Variants in FSIP1 observed in about 807,000 individuals in gnomAD.
FSIP1 encodes the protein fibrous sheath interacting protein 1.
FSIP1 carries 65 observed loss-of-function variants against 60.9 expected under a neutral mutation model. That is an observed-to-expected ratio of 1.07 (90% confidence interval 0.87 to 1.31). The LOEUF is 1.31. Among genes scored for constraint, FSIP1 ranks in the 40% most tolerant of loss-of-function variants. The pLI, the probability that FSIP1 is intolerant of heterozygous loss-of-function variation, is 0.00. For missense variants in FSIP1, 675 were observed against 665.5 expected, an observed-to-expected ratio of 1.01 and a Z score of -0.16; for synonymous variants, 209 against 221.2, an observed-to-expected ratio of 0.94 and a Z score of 0.49.
At chr15:39,723,203 C>G (rs1048400145) in intron 9 of FSIP1, among the ~76,000 whole-genome samples, 2 of 152,294 alleles carry the variant, frequency 1.3e-5, no homozygotes, top group East Asian at 1.9e-4. Flanking sequence ...GTCCACAGAA[C>G]TAGTAAATGC....
chr15:39,758,513 G>C (rs1424734608), intron 5 of FSIP1, among the ~76,000 whole-genome samples: 8 of 151,928 alleles, frequency 5.3e-5, no homozygotes, highest in South Asian at 2.1e-4. Flanking sequence ...TTTTTTTGAG[G>C]GGGGGGAATA....
downstream of FSIP1, chr15:39,597,662 A>G (rs942389982): frequency 2.0e-5 from 3 of 152,222 alleles, no homozygotes; most frequent in Admixed American, 1.3e-4. Context: ...TTTGTGGAAT[A>G]AAAGAACAAA....
chr15:39,686,351 AG>A (rs1894373836), intron 10 of FSIP1, among the ~76,000 whole-genome samples: 1 of 152,278 alleles, frequency 6.6e-6, no homozygotes, highest in African/African-American at 2.4e-5. Flanking sequence ...TTAAAAAATG[AG>A]AAAATACATT....
chr15:39,601,105 G>C (rs1890623101), intron 11 of FSIP1, among the ~76,000 whole-genome samples, 179 bp from the exon 12 acceptor site: 1 of 149,394 alleles, frequency 6.7e-6, no homozygotes, highest in African/African-American at 2.6e-5. Flanking sequence ...GAGAAAAATA[G>C]AAAGATCAGG....
intron 10 of FSIP1, among the ~76,000 whole-genome samples, chr15:39,670,993 C>T (rs1294357720): frequency 6.6e-6 from 1 of 152,160 alleles, no homozygotes; most frequent in African/African-American, 2.4e-5. Context: ...GACAAACTGA[C>T]AGAAAAATGC....
chr15:39,780,980 T>C (rs1898244742), intron 1 of FSIP1, among the ~76,000 whole-genome samples: 1 of 152,098 alleles, frequency 6.6e-6, no homozygotes, highest in Admixed American at 6.5e-5. Flanking sequence ...TAAAAGAAAA[T>C]ATGGATAAAT....
At chr15:39,752,788 T>C (rs1214061753) in intron 5 of FSIP1, among the ~76,000 whole-genome samples, 2 of 151,968 alleles carry the variant, frequency 1.3e-5, no homozygotes, top group African/African-American at 4.8e-5. Context: ...CCTGAATATA[T>C]CAATATTGGT....
At chr15:39,778,950 T>A (rs1014636405) in intron 1 of FSIP1, among the ~76,000 whole-genome samples, 1 of 152,080 alleles carries the variant, frequency 6.6e-6, no homozygotes, top group Non-Finnish European at 1.5e-5. Context: ...ATTAATGACT[T>A]AGTAAGCGTG....
intron 10 of FSIP1, among the ~76,000 whole-genome samples, chr15:39,627,193 C>A (rs548589706): frequency 1.3e-5 from 2 of 152,324 alleles, no homozygotes; most frequent in South Asian, 4.1e-4. Context: ...ATCATCCAGA[C>A]CTGTGCACTT....
intron 9 of FSIP1, among the ~76,000 whole-genome samples, chr15:39,720,849 A>G (rs1335442150): frequency 6.6e-6 from 1 of 152,236 alleles, no homozygotes; most frequent in Non-Finnish European, 1.5e-5. Flanking sequence ...ATCTTAAGAA[A>G]AAATTGCTTC....
intron 5 of FSIP1, among the ~76,000 whole-genome samples, chr15:39,745,122 A>G (rs1221489937): frequency 1.6e-5 from 2 of 122,028 alleles, no homozygotes; most frequent in East Asian, 5.6e-4. Context: ...TCCCCAGGCC[A>G]TGATGCTACA....
intron 10 of FSIP1, among the ~76,000 whole-genome samples, chr15:39,641,588 G>A (rs1051999573): frequency 5.3e-5 from 8 of 152,116 alleles, no homozygotes; most frequent in Non-Finnish European, 7.4e-5. Context: ...ATGTAAAACC[G>A]ACTTGATGTT....
intron 10 of FSIP1, among the ~76,000 whole-genome samples, chr15:39,711,773 C>T (rs970991320): frequency 2.0e-5 from 3 of 146,342 alleles, no homozygotes. Context: ...CAATCTCTGC[C>T]TCCTGGGTTC....
chr15:39,659,660 A>T lies in FSIP1; in HGVS notation c.1189-41415T>A, dbSNP rs567290159. On this transcript the variant is annotated intron_variant, in intron 10 of 11. Transcript: ENST00000350221. Reference sequence around the variant, plus strand: ...AAAAAAAAAAGCAATGGCTTTTCAAATCCTTCCTGAACTTCCTTGGCCTCT... The same window carrying T: ...AAAAAAAAAAGCAATGGCTTTTCAATTCCTTCCTGAACTTCCTTGGCCTCT... Among the ~76,000 whole-genome samples, 41 of 148,442 alleles carry T rather than the reference A, an allele frequency of 2.8e-4. 1 individual carries two copies. The East Asian group carries it at 8.0e-3, about 29-fold the overall frequency.
intron 6 of FSIP1, among the ~76,000 whole-genome samples, chr15:39,740,601 CAAAGGAAAAAAACA>C (rs1896770447): frequency 1.3e-5 from 2 of 151,660 alleles, no homozygotes; most frequent in African/African-American, 4.8e-5. Context: ...ATCAAGTCCA[CAAAGGAAAAAAACA>C]CCAGTCACAA....
chr15:39,751,207 T>C (rs1897150937), intron 5 of FSIP1, among the ~76,000 whole-genome samples: 1 of 151,892 alleles, frequency 6.6e-6, no homozygotes, highest in Non-Finnish European at 1.5e-5. Flanking sequence ...GAAACCAATA[T>C]GAAGGTTTCT....
At chr15:39,615,245 C>A (rs1303344984) in intron 11 of FSIP1, among the ~76,000 whole-genome samples, 1 of 150,362 alleles carries the variant, frequency 6.7e-6, no homozygotes, top group Admixed American at 6.6e-5. Context: ...AAGGCACAGG[C>A]AAAAATAGAC....
At chr15:39,602,927 C>T (rs919144766) in intron 11 of FSIP1, among the ~76,000 whole-genome samples, 1 of 152,248 alleles carries the variant, frequency 6.6e-6, no homozygotes, top group Admixed American at 6.5e-5. Context: ...AAAAATTTTT[C>T]ATCAATATAC....
chr15:39,613,914 T>C (rs1251481566), intron 11 of FSIP1, among the ~76,000 whole-genome samples: 2 of 152,150 alleles, frequency 1.3e-5, no homozygotes, highest in African/African-American at 4.8e-5. Flanking sequence ...CATTTCATGA[T>C]AAAAATTCTC....
Sources: gnomAD v4.1 joint callset for allele counts (sites outside exome capture counted in the v4.1 genomes callset) on GRCh38, gnomAD v4.1.1 for gene constraint, MANE v1.5 for transcripts, NCBI Gene and HGNC (gene_info 2026-07-23, HGNC 2026-07-21) for gene names.